The following INPP4A variants were observed in gnomAD, a reference collection of about 807,000 sequenced individuals.
INPP4A encodes the protein inositol polyphosphate-4-phosphatase type I A.
A neutral mutation model predicts 119.8 loss-of-function variants in INPP4A; 33 were observed. That is an observed-to-expected ratio of 0.28 (90% CI 0.21 to 0.37). The LOEUF (loss-of-function observed/expected upper bound fraction) is 0.37, where lower values mean the gene tolerates loss of function less well. Ranked by LOEUF, INPP4A falls within the 10% of genes least tolerant of loss-of-function variation. INPP4A has a pLI of 1.00. For missense variants in INPP4A, 956 were observed against 1,289.9 expected (o/e 0.74, Z 3.97); for synonymous variants, 496 against 500.7 (o/e 0.99, Z 0.12).
chr2:98,585,187 G>GT (rs1699819726), intron 24 of INPP4A, among the ~76,000 whole-genome samples: 1 of 152,108 alleles, frequency 6.6e-6, no homozygotes, highest in Non-Finnish European at 1.5e-5. Context: ...ACAATGACCT[G>GT]TTTTCCCTCC....
intron 2 of INPP4A, chr2:98,519,687 C>A: frequency 9.2e-6 from 2 of 217,616 alleles, no homozygotes. Context: ...ATATGAAAAC[C>A]ATCATTCACT....
At chr2:98,571,952 T>A (rs1038210960) in intron 22 of INPP4A, 3 of 152,554 alleles carry the variant, frequency 2.0e-5, no homozygotes, top group African/African-American at 7.2e-5. Context: ...CGGCGTGGTG[T>A]GGAGCACTCA....
chr2:98,583,797 C>T (rs1575193034), intron 24 of INPP4A, among the ~76,000 whole-genome samples: 1 of 152,230 alleles, frequency 6.6e-6, no homozygotes, highest in Admixed American at 6.5e-5. Flanking sequence ...GACCTTACCC[C>T]GGGCTTTTTC....
At position 98,533,395 on chromosome 2, in the gene INPP4A, C is replaced by G. The variant is rs1186635224; in HGVS notation, c.170C>G (p.Thr57Ser). ...EFSLACSELH[T>S]PSLDRKPNSF... is the part of the protein sequence containing the mutation. ...TCTGTAGCTTGCAGTGAGCTGCATACTCCATCGCTAGATCGAAAGCCAAAT... is the reference window on the plus strand; with the variant it reads ...TCTGTAGCTTGCAGTGAGCTGCATAGTCCATCGCTAGATCGAAAGCCAAAT... Residue 57 changes from threonine to serine, a missense_variant, in exon 5 of 25, where the codon ACT becomes AGT. Around this residue, in one of 2 missense-constraint regions of INPP4A, gnomAD observed 652 missense variants for 797.9 expected, o/e 0.82. Transcript: ENST00000409851. 1.2e-6 allele frequency: 2 copies of G among 1,612,460 alleles called. No individual in the cohort carries two copies. Among genetic ancestry groups the G allele is most frequent in the Non-Finnish European group, 1.7e-6 (2 of 1,179,038 alleles).
chr2:98,515,464 G>T lies in INPP4A; in HGVS notation c.-165-3500G>T, dbSNP rs146269159. ...ACGGGGGTGGGGTAGGACGGGATCC[G>T]GTGGGTGGGGCAGGGAGAGGGGCCC... On this transcript the variant is annotated intron_variant, in intron 1 of 24. Transcript: ENST00000409851. 7.1e-3 allele frequency among the ~76,000 whole-genome samples: 1,079 copies of T among 151,844 alleles called. 13 individuals carry two copies. The highest frequency in any genetic ancestry group is 0.031 in the Middle Eastern group (9 of 294).
chr2:98,491,539 C>T (rs1298052013), intron 1 of INPP4A, among the ~76,000 whole-genome samples: 10 of 152,328 alleles, frequency 6.6e-5, no homozygotes, highest in African/African-American at 2.4e-4. Context: ...GGAAGGTGAG[C>T]CCATCACAGT....
intron 16 of INPP4A, among the ~76,000 whole-genome samples, chr2:98,558,685 A>G (rs1326916409): frequency 6.6e-6 from 1 of 152,146 alleles, no homozygotes; most frequent in Non-Finnish European, 1.5e-5. Flanking sequence ...ATTAACATAA[A>G]TGTTTTCTTC....
intron 1 of INPP4A, among the ~76,000 whole-genome samples, chr2:98,509,843 G>A (rs941052796): frequency 1.3e-5 from 2 of 152,190 alleles, no homozygotes; most frequent in Non-Finnish European, 2.9e-5. Flanking sequence ...TGGTATATGG[G>A]TGAACCACAA....
At chr2:98,573,687 C>T (rs1697897694) in intron 23 of INPP4A, among the ~76,000 whole-genome samples, 1 of 152,202 alleles carries the variant, frequency 6.6e-6, no homozygotes, top group African/African-American at 2.4e-5. Flanking sequence ...CTGAAGTGTG[C>T]CTCTCCGTCT....
In INPP4A at chr2:98,572,894, T is replaced by C. The variant is rs756807901; in HGVS notation, c.2598T>C (p.Asn866=). The change falls in exon 23 of 25, where the codon AAT becomes AAC. Residue 866 remains asparagine, a synonymous_variant. Transcript: ENST00000409851. The part of the protein sequence containing the change: ...FLGQNVHARK[N]KNVDILWQAA... ...GTCAGAACGTGCATGCCCGGAAGAATAAGAACGTCGACATTCTCTGGCAAG... is the reference window on the plus strand; with the variant it reads ...GTCAGAACGTGCATGCCCGGAAGAACAAGAACGTCGACATTCTCTGGCAAG... The C allele has an allele frequency of 3.2e-6, 5 of 1,578,446 alleles. No homozygotes were observed. In the South Asian group the frequency reaches 5.9e-5, roughly 18 times the overall value.
At chr2:98,549,032 G>A in intron 13 of INPP4A, 1 of 1,529,984 alleles carries the variant, frequency 6.5e-7, no homozygotes, top group East Asian at 2.3e-5. Context: ...GAGAAAGCTT[G>A]TGCCATCCCC....
intron 16 of INPP4A, among the ~76,000 whole-genome samples, chr2:98,556,686 T>C (rs1272447353): frequency 6.6e-6 from 1 of 152,250 alleles, no homozygotes; most frequent in Non-Finnish European, 1.5e-5. Context: ...TGAGGGCTTT[T>C]AAATTCTGAA....
intron 8 of INPP4A, 27 bp downstream of exon 8, chr2:98,538,001 C>A: frequency 1.4e-6 from 2 of 1,434,480 alleles, no homozygotes; most frequent in Non-Finnish European, 1.9e-6. Flanking sequence ...TCCTCCTCTC[C>A]CTTAGAAAGA....
chr2:98,584,534 G>T (rs1699731511), intron 24 of INPP4A, among the ~76,000 whole-genome samples: 1 of 152,268 alleles, frequency 6.6e-6, no homozygotes, highest in African/African-American at 2.4e-5. Flanking sequence ...AGGCCGAGGA[G>T]CCCCTCCCAG....
intron 1 of INPP4A, among the ~76,000 whole-genome samples, chr2:98,462,465 T>C (rs1673774203): frequency 6.6e-6 from 1 of 151,942 alleles, no homozygotes; most frequent in Non-Finnish European, 1.5e-5. Flanking sequence ...AATAAATAAA[T>C]AGATAAAAAT....
intron 24 of INPP4A, chr2:98,581,920 T>C (rs1257978027): frequency 8.8e-7 from 1 of 1,136,920 alleles, no homozygotes; most frequent in Non-Finnish European, 1.2e-6. Context: ...ACTGTAAATA[T>C]CTGCCAAATT....
At position 98,462,277 on chromosome 2, in the gene INPP4A, T is replaced by C. The variant is rs151026836; in HGVS notation, c.-166+17192T>C. Among the ~76,000 whole-genome samples, 314 of 151,936 alleles carry C rather than the reference T, an allele frequency of 2.1e-3. 1 individual carries two copies. Among genetic ancestry groups the C allele is most frequent in the African/African-American group, 7.1e-3 (295 of 41,440 alleles). On this transcript the variant is annotated intron_variant, in intron 1 of 24. Transcript: ENST00000409851. Reference sequence around the variant, plus strand: ...TCCTGGCTAACACAGTGAAACCCCATCTCTACTAAAAATACAAAAAATTAG... The same window carrying C: ...TCCTGGCTAACACAGTGAAACCCCACCTCTACTAAAAATACAAAAAATTAG...
chr2:98,470,780 G>C (rs1297940010), intron 1 of INPP4A, among the ~76,000 whole-genome samples: 1 of 151,870 alleles, frequency 6.6e-6, no homozygotes, highest in Admixed American at 6.6e-5. Context: ...CTGTTCTCCT[G>C]CCTCAGCCTC....
chr2:98,473,310 GGTGGA>G, intron 1 of INPP4A, among the ~76,000 whole-genome samples: 1 of 150,288 alleles, frequency 6.7e-6, no homozygotes, highest in East Asian at 2.0e-4. Flanking sequence ...GGGTAGTGCG[GGTGGA>G]GTGGAGAGTG....
Sources: allele counts gnomAD v4.1 joint callset (sites outside exome capture counted in the v4.1 genomes callset), GRCh38; gene constraint gnomAD v4.1.1; regional missense constraint gnomAD v4.1.1; transcripts MANE v1.5; gene names NCBI Gene and HGNC (gene_info 2026-07-23, HGNC 2026-07-21).